Variants in EXOC4 observed in about 807,000 individuals in gnomAD.
EXOC4 encodes SEC8-like 1.
A neutral mutation model predicts 107.2 loss-of-function variants in EXOC4; 71 were observed. The ratio of observed to expected loss-of-function variants is 0.66; its 90% confidence interval spans 0.55 to 0.81. The LOEUF is 0.81. EXOC4 is among the 30% of genes least tolerant of loss of function. The probability of loss-of-function intolerance (pLI) is 0.00; values close to 1 mark genes in which losing one functional copy is unlikely to be tolerated. For synonymous variants in EXOC4, 456 were observed against 441.2 expected, an observed-to-expected ratio of 1.03 and a Z score of -0.42; for missense variants, 1,108 against 1,189.6, an observed-to-expected ratio of 0.93 and a Z score of 1.01.
intron 7 of EXOC4, among the ~76,000 whole-genome samples, chr7:133,444,765 A>T (rs1798180413): frequency 6.6e-6 from 1 of 152,124 alleles, no homozygotes; most frequent in Non-Finnish European, 1.5e-5. Flanking sequence ...TAAATGTGGG[A>T]TGCCTGTGGG....
At chr7:133,990,079 C>T (rs1368970318) in intron 14 of EXOC4, among the ~76,000 whole-genome samples, 4 of 152,108 alleles carry the variant, frequency 2.6e-5, no homozygotes, top group Non-Finnish European at 5.9e-5. Context: ...ATGATCAAAT[C>T]AGGGTAACTG....
chr7:133,879,980 C>T (rs937030827), intron 11 of EXOC4, among the ~76,000 whole-genome samples: 8 of 152,156 alleles, frequency 5.3e-5, no homozygotes, highest in Non-Finnish European at 1.2e-4. Flanking sequence ...ACAGAAATTC[C>T]CTTCTCCAGC....
In EXOC4 at chr7:133,638,973, C is replaced by CT. The variant is rs1467854538; in HGVS notation, c.1514+8837dup. ...AAATGCTTGCATAATTTGTATGCTG[C>CT]TTTTTATGTATTCTGAACATGTGTT... is the stretch of plus-strand genomic sequence containing the variant. On this transcript the variant is annotated intron_variant, in intron 10 of 17. Coordinates refer to ENST00000253861, the MANE Select transcript of EXOC4 (RefSeq NM_021807.4). Among the ~76,000 whole-genome samples the CT allele has an allele frequency of 8.5e-5, 13 of 152,200 alleles. No homozygotes were observed. In the East Asian group the frequency reaches 2.1e-3, roughly 25 times the overall value.
chr7:133,404,345 C>T (rs901899881), intron 7 of EXOC4, among the ~76,000 whole-genome samples: 5 of 152,146 alleles, frequency 3.3e-5, no homozygotes, highest in African/African-American at 9.7e-5. Flanking sequence ...CCTCGTGATC[C>T]ACCCGCCTCA....
intron 10 of EXOC4, among the ~76,000 whole-genome samples, chr7:133,705,886 T>A (rs569130360): frequency 6.6e-6 from 1 of 152,188 alleles, no homozygotes; most frequent in Non-Finnish European, 1.5e-5. Flanking sequence ...AAATTTTTCG[T>A]TTTATATTTT....
rs944706473 is a variant in EXOC4 at position 133,989,115 on chromosome 7, A to C, written c.2207-8377A>C. ...AGTAGATAACAGAAAAGAAAAAATA[A>C]ATATTAAGAAAATATTTGTAAATAA... On this transcript the variant is annotated intron_variant, in intron 14 of 17. Coordinates refer to ENST00000253861, the MANE Select transcript of EXOC4 (RefSeq NM_021807.4). Among the ~76,000 whole-genome samples the C allele has an allele frequency of 5.9e-5, 9 of 152,210 alleles. No homozygotes were observed. The East Asian group carries it at 1.7e-3, about 29-fold the overall frequency.
chr7:133,587,887 A>T (rs1801443060), intron 9 of EXOC4, among the ~76,000 whole-genome samples: 1 of 152,232 alleles, frequency 6.6e-6, no homozygotes, highest in Non-Finnish European at 1.5e-5. Flanking sequence ...AAATTCACCA[A>T]ACACTACACT....
At chr7:133,253,381 T>G in intron 1 of EXOC4, 194 bp downstream of exon 1, 2 of 1,360,584 alleles carry the variant, frequency 1.5e-6, no homozygotes, top group Middle Eastern at 2.8e-4. Flanking sequence ...TGGGGTTAGC[T>G]ATAGAGAGAG....
intron 9 of EXOC4, among the ~76,000 whole-genome samples, chr7:133,580,328 A>G (rs567956272): frequency 8.6e-5 from 13 of 151,946 alleles, no homozygotes; most frequent in Non-Finnish European, 1.8e-4. Context: ...TTTTTTTGAG[A>G]CCCTGCTTTT....
chr7:133,858,159 A>G (rs895610643), intron 11 of EXOC4, among the ~76,000 whole-genome samples: 18 of 152,262 alleles, frequency 1.2e-4, no homozygotes, highest in African/African-American at 4.1e-4. Flanking sequence ...CGCACCCACC[A>G]TTCGGTGTGT....
intron 10 of EXOC4, among the ~76,000 whole-genome samples, chr7:133,656,078 A>G (rs1233970937): frequency 7.9e-5 from 12 of 152,232 alleles, no homozygotes. Context: ...TTGGACCACC[A>G]TGGTATATAT....
intron 15 of EXOC4, among the ~76,000 whole-genome samples, chr7:134,000,675 CTAA>C (rs1794510836): frequency 6.6e-6 from 1 of 152,080 alleles, no homozygotes; most frequent in Non-Finnish European, 1.5e-5. Flanking sequence ...TTCTCATCAA[CTAA>C]TGTTTGTTTT....
intron 10 of EXOC4, among the ~76,000 whole-genome samples, chr7:133,729,487 G>T (rs904647608): frequency 1.3e-5 from 2 of 152,044 alleles, no homozygotes; most frequent in African/African-American, 4.8e-5. Context: ...AAAAGATACT[G>T]CCAGGTAAAT....
chr7:133,316,379 A>G (rs1039523570), intron 4 of EXOC4, among the ~76,000 whole-genome samples: 3 of 152,138 alleles, frequency 2.0e-5, no homozygotes, highest in Non-Finnish European at 1.5e-5. Context: ...TCAGTACTAA[A>G]AAGTGAGAAT....
chr7:133,452,879 G>A (rs1020140805), intron 7 of EXOC4, among the ~76,000 whole-genome samples: 1 of 152,102 alleles, frequency 6.6e-6, no homozygotes, highest in East Asian at 1.9e-4. Flanking sequence ...TGTGGAATTC[G>A]ATAGTCCATT....
chr7:133,920,894 T>C (rs565989112), intron 13 of EXOC4, among the ~76,000 whole-genome samples: 1 of 152,336 alleles, frequency 6.6e-6, no homozygotes, highest in African/African-American at 2.4e-5. Flanking sequence ...TGTTTATTTT[T>C]TCTTCACTTA....
chr7:133,399,349 A>G (rs146270401), intron 7 of EXOC4, among the ~76,000 whole-genome samples: 52 of 152,098 alleles, frequency 3.4e-4, no homozygotes, highest in African/African-American at 1.2e-3. Flanking sequence ...CACATTGTAT[A>G]TTTTTCACAA....
chr7:133,351,842 T>C (rs565632392), intron 5 of EXOC4, among the ~76,000 whole-genome samples: 1 of 152,098 alleles, frequency 6.6e-6, no homozygotes, highest in South Asian at 2.1e-4. Context: ...TTTGCTGTTT[T>C]TCCTGCATCC....
intron 1 of EXOC4, among the ~76,000 whole-genome samples, chr7:133,256,338 A>G (rs553459960): frequency 6.6e-6 from 1 of 152,232 alleles, no homozygotes; most frequent in African/African-American, 2.4e-5. Context: ...TCCTATCTTT[A>G]ACGTTGTTTT....
Sources: gnomAD v4.1 joint callset for allele counts (sites outside exome capture counted in the v4.1 genomes callset) on GRCh38, gnomAD v4.1.1 for gene constraint, MANE v1.5 for transcripts, NCBI Gene and HGNC (gene_info 2026-07-23, HGNC 2026-07-21) for gene names.